PTPN12: variants seen among roughly 807,000 people sequenced by gnomAD.
PTPN12 encodes tyrosine-protein phosphatase non-receptor type 12.
Under a neutral mutation model 97.6 loss-of-function variants are expected in PTPN12, and 29 were observed. The ratio of observed to expected loss-of-function variants is 0.30; its 90% CI spans 0.22 to 0.41. The LOEUF (loss-of-function observed/expected upper bound fraction) is 0.41, where lower values mean the gene tolerates loss of function less well. Among genes scored for constraint, PTPN12 ranks in the 10% least tolerant of loss-of-function variants. The pLI, the probability that PTPN12 is intolerant of heterozygous loss-of-function variation, is 1.00. For synonymous variants in PTPN12, 327 were observed against 300.4 expected (o/e 1.09, Z -0.91); for missense variants, 819 against 926.0 (o/e 0.88, Z 1.50).
At chr7:77,558,300 A>C (rs1381714385) in intron 1 of PTPN12, among the ~76,000 whole-genome samples, 1 of 151,946 alleles carries the variant, frequency 6.6e-6, no homozygotes, top group Non-Finnish European at 1.5e-5. Context: ...CATTAAGGGG[A>C]GGGTAAACTG....
chr7:77,573,722 G>A (rs1234341432), intron 2 of PTPN12, among the ~76,000 whole-genome samples: 1 of 152,110 alleles, frequency 6.6e-6, no homozygotes, highest in East Asian at 1.9e-4. Flanking sequence ...TTCTTTTTCT[G>A]TCGTCTAGCC....
chr7:77,609,501 C>G (rs568302841), intron 9 of PTPN12, among the ~76,000 whole-genome samples: 1 of 151,766 alleles, frequency 6.6e-6, no homozygotes, highest in South Asian at 2.1e-4. Flanking sequence ...AACTCCTGAC[C>G]TCAGGTGATC....
chr7:77,607,118 A>G, intron 8 of PTPN12, 117 bp from the exon 9 acceptor site: 1 of 778,622 alleles, frequency 1.3e-6, no homozygotes, highest in East Asian at 2.9e-5. Flanking sequence ...ACTAAGTAGA[A>G]TTTTGTCAAA....
At chr7:77,585,505 A>T in intron 4 of PTPN12, 38 bp from the exon 5 acceptor site, 3 of 1,562,000 alleles carry the variant, frequency 1.9e-6, no homozygotes, top group Non-Finnish European at 2.6e-6. Flanking sequence ...TGTTTAACTG[A>T]TACGTTCTTT....
Position 77,539,673 on chromosome 7 carries a change from G to A in PTPN12, c.99+2028G>A, listed in dbSNP as rs144078844. On this transcript the variant is annotated intron_variant, in intron 1 of 17. Transcript: ENST00000248594. ...GTCTCGCTCTACGCTCTGTCGCCCC[G>A]GCTGGAGTGCAGCGGCGCAATCTCA... Among the ~76,000 whole-genome samples the A allele has an allele frequency of 3.9e-5, 6 of 152,068 alleles. No homozygotes were observed. The East Asian group carries it at 9.7e-4, about 25-fold the overall frequency.
Position 77,597,824 on chromosome 7 carries a change from A to G in PTPN12, c.493-18A>G. ...TTTTAACGTTTTCACTGACTTAGAA[A>G]TGTTTCTCTTTATTTAGGAGGATGA... On this transcript the variant is annotated intron_variant, in intron 6 of 17. Transcript: ENST00000248594. 1.9e-6 allele frequency: 3 copies of G among 1,602,636 alleles called. No individual in the cohort carries two copies. Among genetic ancestry groups the G allele is most frequent in the South Asian group, 2.3e-5 (2 of 87,842 alleles).
At chr7:77,566,880 C>G (rs776294965) in intron 1 of PTPN12, among the ~76,000 whole-genome samples, 9 of 151,802 alleles carry the variant, frequency 5.9e-5, no homozygotes, top group Non-Finnish European at 1.3e-4. Context: ...CCAGTTAATA[C>G]AGTAAATGAT....
At chr7:77,551,091 C>T (rs921804952) in intron 1 of PTPN12, among the ~76,000 whole-genome samples, 2 of 152,124 alleles carry the variant, frequency 1.3e-5, no homozygotes, top group East Asian at 3.8e-4. Flanking sequence ...GATGGAGTCT[C>T]GCTCTGTCAC....
intron 2 of PTPN12, among the ~76,000 whole-genome samples, chr7:77,579,322 G>T (rs542339816): frequency 6.6e-6 from 1 of 151,942 alleles, no homozygotes; most frequent in Non-Finnish European, 1.5e-5. Flanking sequence ...ATGGGGTTTC[G>T]CCATGTGGGC....
At chr7:77,596,858 C>T (rs1788038125) in intron 6 of PTPN12, among the ~76,000 whole-genome samples, 1 of 152,194 alleles carries the variant, frequency 6.6e-6, no homozygotes, top group African/African-American at 2.4e-5. Context: ...TTACAATTCA[C>T]AAACCTACAT....
Position 77,537,852 on chromosome 7 carries a change from C to T in PTPN12, c.99+207C>T, listed in dbSNP as rs536767679. ...GGCCTCCTTTCTTCTCCCATGTTCG[C>T]GACCCCCGCGCGGGTTCCCGGGACG... On this transcript the variant is annotated intron_variant, in intron 1 of 17. Coordinates refer to ENST00000248594, the MANE Select transcript of PTPN12 (RefSeq NM_002835.4). Among the ~76,000 whole-genome samples, 4 of 152,100 alleles carry T rather than the reference C, an allele frequency of 2.6e-5. No homozygotes were observed. In the East Asian group the frequency reaches 7.8e-4, roughly 30 times the overall value.
intron 1 of PTPN12, among the ~76,000 whole-genome samples, chr7:77,566,287 A>C (rs1269711882): frequency 6.6e-6 from 1 of 152,220 alleles, no homozygotes; most frequent in East Asian, 1.9e-4. Context: ...CTTATAATTA[A>C]AGATTTGGTA....
Position 77,587,163 on chromosome 7 carries a change from T to C in PTPN12, c.420+1582T>C, listed in dbSNP as rs148158472. Among the ~76,000 whole-genome samples, 1,439 of 152,212 alleles carry C rather than the reference T, an allele frequency of 9.5e-3. 12 individuals are homozygous for C. Among genetic ancestry groups the C allele is most frequent in the Middle Eastern group, 0.014 (4 of 294 alleles). On this transcript the variant is annotated intron_variant, in intron 5 of 17. Transcript: ENST00000248594. ...CCTTTCCAGAAGGTTTTCAGTTCAC[T>C]TTCCCTAGACCCATCAGAGTAATCA...
chr7:77,618,160 CG>C (rs1268158515), intron 11 of PTPN12, among the ~76,000 whole-genome samples: 3 of 151,290 alleles, frequency 2.0e-5, no homozygotes, highest in Non-Finnish European at 4.4e-5. Context: ...GATGGCGGGG[CG>C]GGGGGATACT....
At chr7:77,561,184 C>T in intron 1 of PTPN12, among the ~76,000 whole-genome samples, 1 of 152,126 alleles carries the variant, frequency 6.6e-6, no homozygotes, top group East Asian at 1.9e-4. Context: ...CTTGGCCTCC[C>T]AAAGTGCTTG....
intron 8 of PTPN12, among the ~76,000 whole-genome samples, chr7:77,605,396 A>G (rs1022186735): frequency 7.5e-6 from 1 of 133,014 alleles, no homozygotes; most frequent in African/African-American, 2.9e-5. Context: ...ACTTTAAAAT[A>G]CTTTTGTCAT....
intron 4 of PTPN12, 83 bp downstream of exon 4, chr7:77,583,733 G>T: frequency 2.4e-6 from 2 of 830,538 alleles, no homozygotes; most frequent in Non-Finnish European, 3.6e-6. Flanking sequence ...GGAATGAGGG[G>T]ATTTTTAAAA....
chr7:77,576,517 T>G (rs1259326311), intron 2 of PTPN12, among the ~76,000 whole-genome samples: 1 of 151,876 alleles, frequency 6.6e-6, no homozygotes, highest in African/African-American at 2.4e-5. Context: ...GCCAATACGG[T>G]GAAACCCCGC....
chr7:77,583,066 T>A (rs1476461370), intron 3 of PTPN12, among the ~76,000 whole-genome samples: 2 of 152,194 alleles, frequency 1.3e-5, no homozygotes, highest in African/African-American at 4.8e-5. Flanking sequence ...GTCAGTGACA[T>A]TGTTTGGTTT....
Sources: allele counts gnomAD v4.1 joint callset (sites outside exome capture counted in the v4.1 genomes callset), GRCh38; gene constraint gnomAD v4.1.1; transcripts MANE v1.5; gene names NCBI Gene and HGNC (gene_info 2026-07-23, HGNC 2026-07-21).